The following OTOG variants were observed in gnomAD, a reference collection of about 807,000 sequenced individuals.
OTOG encodes otogelin.
Under a neutral mutation model 313.8 loss-of-function variants are expected in OTOG, and 296 were observed. The ratio of observed to expected loss-of-function variants is 0.94; its 90% CI spans 0.86 to 1.04. The LOEUF (loss-of-function observed/expected upper bound fraction) is 1.04. Among genes scored for constraint, OTOG ranks in the 50% least tolerant of loss-of-function variants. The probability of loss-of-function intolerance (pLI) is 0.00; values close to 1 mark genes in which losing one functional copy is unlikely to be tolerated. For synonymous variants in OTOG, 1,533 were observed against 1,554.9 expected, an observed-to-expected ratio of 0.99 and a Z score of 0.33; for missense variants, 3,948 against 3,840.1, an observed-to-expected ratio of 1.03 and a Z score of -0.74.
chr11:17,565,566 T>C (rs1376334792), intron 15 of OTOG, among the ~76,000 whole-genome samples: 1 of 152,234 alleles, frequency 6.6e-6, no homozygotes, highest in Non-Finnish European at 1.5e-5. Context: ...AGTGGGAAGT[T>C]ATTCTCCCCC....
At chr11:17,639,563 G>A (rs983595035) in intron 49 of OTOG, 100 bp downstream of exon 49, 11 of 1,280,764 alleles carry the variant, frequency 8.6e-6, no homozygotes, top group East Asian at 7.7e-5. Context: ...TCTAGTGCAA[G>A]GAACCCGGGG....
chr11:17,624,959 G>A (rs1292603926), intron 39 of OTOG, among the ~76,000 whole-genome samples: 4 of 152,078 alleles, frequency 2.6e-5, no homozygotes, highest in Non-Finnish European at 1.5e-5. Flanking sequence ...TCTCGGCTTA[G>A]CTATTGTTGG....
intron 44 of OTOG, among the ~76,000 whole-genome samples, chr11:17,634,529 G>C (rs762052348): frequency 6.6e-6 from 1 of 152,044 alleles, no homozygotes; most frequent in African/African-American, 2.4e-5. Context: ...TTGTGGCCTC[G>C]GGCAAATTAT....
chr11:17,572,898 A>G (rs1852434765), intron 18 of OTOG, among the ~76,000 whole-genome samples, 180 bp from the exon 19 acceptor site: 2 of 152,312 alleles, frequency 1.3e-5, no homozygotes, highest in African/African-American at 4.8e-5. Context: ...ATTCACACCC[A>G]GATGTACTAA....
At position 17,613,241 on chromosome 11, in the gene OTOG, TTCTTTC is replaced by T. The variant is rs1853629489; in HGVS notation, c.6439-369_6439-364del. Among the ~76,000 whole-genome samples, 15 of 122,434 alleles carry T rather than the reference TTCTTTC, an allele frequency of 1.2e-4. No individual in the cohort carries two copies. In the South Asian group the frequency reaches 1.5e-3, roughly 12 times the overall value. 80.3% of individuals were successfully genotyped at this position (122,434 alleles called of 152,430 possible). ...TTTCTTTCTTTCTTTCTTTCTTTCT[TTCTTTC>T]TTTCTTTCTTTCTTTCTTTCTCTCT... On this transcript the variant is annotated intron_variant, in intron 38 of 55. Transcript: ENST00000399397.
intron 42 of OTOG, 60 bp downstream of exon 42, chr11:17,632,286 G>A: frequency 6.7e-7 from 1 of 1,495,430 alleles, no homozygotes; most frequent in Non-Finnish European, 9.0e-7. Flanking sequence ...CCCTGTTAAA[G>A]TGGGAAAAGG....
At position 17,558,284 on chromosome 11, in the gene OTOG, C is replaced by T. The variant is rs1458065529; in HGVS notation, c.965C>T (p.Pro322Leu). The T allele has an allele frequency of 1.9e-5, 30 of 1,550,718 alleles. No homozygotes were observed. The highest frequency in any genetic ancestry group is 1.9e-4 in the South Asian group (16 of 84,060). ...ACAACTTCCTCCCTGCCTCGCCCAC[C>T]GTGCCTACAGCAGAACCCAGGAACC... ...GPTTSSLPRP[P>L]CLQQNPGTMQ... The change falls in exon 9 of 56, where the codon CCG becomes CTG. Residue 322 changes from proline (P) to leucine (L), a missense_variant. Pro to Leu is a moderately conservative substitution (Grantham distance 98). Transcript: ENST00000399397.
chr11:17,580,813 G>A (rs1852648017), intron 23 of OTOG, among the ~76,000 whole-genome samples: 1 of 152,208 alleles, frequency 6.6e-6, no homozygotes, highest in African/African-American at 2.4e-5. Context: ...ACCTTGGGAG[G>A]AAGGTGTCAT....
intron 39 of OTOG, among the ~76,000 whole-genome samples, chr11:17,617,565 C>T (rs975049576): frequency 8.5e-5 from 13 of 152,278 alleles, no homozygotes; most frequent in African/African-American, 2.9e-4. Context: ...TTGTCCATTT[C>T]ATCCAAGTTG....
At chr11:17,557,923 G>A (rs530787793) in intron 8 of OTOG, among the ~76,000 whole-genome samples, 58 of 152,240 alleles carry the variant, frequency 3.8e-4, no homozygotes, top group African/African-American at 1.1e-3. Flanking sequence ...TTCTCTTTCC[G>A]GTGCATGGTG....
At chr11:17,576,154 T>A (rs1852520655) in intron 20 of OTOG, among the ~76,000 whole-genome samples, 1 of 152,232 alleles carries the variant, frequency 6.6e-6, no homozygotes, top group South Asian at 2.1e-4. Flanking sequence ...TTGGAATAGA[T>A]GCTGGGCGTG....
chr11:17,573,324 G>A, intron 19 of OTOG, 34 bp downstream of exon 19: 1 of 1,491,154 alleles, frequency 6.7e-7, no homozygotes, highest in Non-Finnish European at 8.9e-7. Flanking sequence ...CTGAGCTGGA[G>A]GAGCCAGAGC....
intron 3 of OTOG, among the ~76,000 whole-genome samples, chr11:17,551,557 GT>G (rs1565087171): frequency 6.6e-6 from 1 of 152,068 alleles, no homozygotes; most frequent in Non-Finnish European, 1.5e-5. Flanking sequence ...GGCTGTGGGG[GT>G]GAGATGTTCC....
At chr11:17,625,511 A>G (rs1853961996) in intron 39 of OTOG, among the ~76,000 whole-genome samples, 1 of 152,164 alleles carries the variant, frequency 6.6e-6, no homozygotes, top group African/African-American at 2.4e-5. Context: ...AGCCTACTTG[A>G]TCGTGGTGAA....
intron 39 of OTOG, among the ~76,000 whole-genome samples, chr11:17,617,752 G>T (rs948143353): frequency 1.3e-5 from 2 of 151,904 alleles, no homozygotes; most frequent in African/African-American, 4.8e-5. Context: ...TCAAAGAATG[G>T]CTTTATTGGT....
In OTOG at chr11:17,558,633, TG is replaced by T; in HGVS notation, c.1093del (p.Asp365IlefsTer9). ...PLPFTASCTS[D>X]LCQSMGDVAT... ...TGCCCTTCACAGCCAGTTGTACCAG[TG>T]ATCTCTGCCAGTGAGTAGGGGTGGT... On this transcript the variant is annotated frameshift_variant, in exon 10 of 56. Coordinates refer to ENST00000399397, the MANE Select transcript of OTOG (RefSeq NM_001292063.2). LOFTEE classifies it high-confidence loss of function. 6.5e-7 allele frequency: 1 copy of T among 1,549,956 alleles called. No individual in the cohort carries two copies. The highest frequency in any genetic ancestry group is 8.7e-7 in the Non-Finnish European group (1 of 1,147,004).
intron 39 of OTOG, among the ~76,000 whole-genome samples, chr11:17,622,701 G>C (rs1853893508): frequency 6.6e-6 from 1 of 152,182 alleles, no homozygotes; most frequent in Admixed American, 6.5e-5. Context: ...TATTGTGGCT[G>C]AATAGTACTC....
intron 39 of OTOG, among the ~76,000 whole-genome samples, chr11:17,616,756 C>T (rs1349513619): frequency 6.6e-6 from 1 of 152,136 alleles, no homozygotes; most frequent in African/African-American, 2.4e-5. Context: ...GTTATTAGTT[C>T]TTAAATTCTT....
At position 17,612,281 on chromosome 11, in the gene OTOG, C is replaced by T. The variant is rs1016887523; in HGVS notation, c.6243C>T (p.Leu2081=). 4.5e-6 allele frequency: 7 copies of T among 1,543,528 alleles called. No individual in the cohort carries two copies. Among genetic ancestry groups the T allele is most frequent in the East Asian group, 2.4e-5 (1 of 40,912 alleles). The change falls in exon 37 of 56, where the codon CTC becomes CTT. Residue 2081 remains leucine, a synonymous_variant. Coordinates refer to ENST00000399397, the MANE Select transcript of OTOG (RefSeq NM_001292063.2). The part of the protein sequence containing the change: ...AAPPRCGILG[L]AVRVGGDRCC... The stretch of plus-strand genomic sequence containing the variant: ...CCCCTCGCTGTGGGATCCTGGGCCT[C>T]GCCGTGCGGGTGGGTGGGGACCGCT...
Sources: allele counts gnomAD v4.1 joint callset (sites outside exome capture counted in the v4.1 genomes callset), GRCh38; gene constraint gnomAD v4.1.1; transcripts MANE v1.5; gene names NCBI Gene and HGNC (gene_info 2026-07-23, HGNC 2026-07-21).